FSTL4: variants seen among roughly 807,000 people sequenced by gnomAD.
FSTL4 encodes follistatin like 4.
Under a neutral mutation model 78.2 loss-of-function variants are expected in FSTL4, and 28 were observed. The ratio of observed to expected loss-of-function variants is 0.36; its 90% CI spans 0.27 to 0.49. The LOEUF (loss-of-function observed/expected upper bound fraction) is 0.49, where lower values mean the gene tolerates loss of function less well. FSTL4 is among the 20% of genes least tolerant of loss of function. FSTL4 has a pLI of 0.98. For missense variants in FSTL4, 922 were observed against 1,084.9 expected, an observed-to-expected ratio of 0.85 and a Z score of 2.11; for synonymous variants, 422 against 440.5, an observed-to-expected ratio of 0.96 and a Z score of 0.53.
intron 6 of FSTL4, among the ~76,000 whole-genome samples, chr5:133,309,208 C>G (rs1490680507): frequency 1.3e-5 from 2 of 151,554 alleles, no homozygotes; most frequent in Non-Finnish European, 2.9e-5. Flanking sequence ...ATGGCAGGGA[C>G]AGGTGGCACT....
At chr5:133,576,307 C>A (rs930582678) in intron 2 of FSTL4, among the ~76,000 whole-genome samples, 23 of 152,172 alleles carry the variant, frequency 1.5e-4, no homozygotes, top group African/African-American at 5.6e-4. Flanking sequence ...AGATCATAGT[C>A]ACGCCTCTCC....
intron 6 of FSTL4, among the ~76,000 whole-genome samples, chr5:133,282,923 A>C (rs1402114380): frequency 6.6e-6 from 1 of 152,232 alleles, no homozygotes; most frequent in Non-Finnish European, 1.5e-5. Context: ...TGCAATGCTC[A>C]TCTGACACTT....
At chr5:133,205,503 G>T (rs1750469497) in intron 14 of FSTL4, among the ~76,000 whole-genome samples, 1 of 151,988 alleles carries the variant, frequency 6.6e-6, no homozygotes, top group Non-Finnish European at 1.5e-5. Flanking sequence ...TGTTAGACAA[G>T]GACATGGGTC....
chr5:133,205,978 C>CTATT (rs1156867634), intron 14 of FSTL4, among the ~76,000 whole-genome samples: 1 of 152,176 alleles, frequency 6.6e-6, no homozygotes, highest in Non-Finnish European at 1.5e-5. Context: ...ATCCTGGACT[C>CTATT]TATTTTTAAT....
the FSTL4 span, among the ~76,000 whole-genome samples, chr5:133,705,510 C>G: frequency 6.6e-6 from 1 of 152,182 alleles, no homozygotes; most frequent in Non-Finnish European, 1.5e-5. Context: ...TTCCTGCTCA[C>G]CTCTTGGCTC....
chr5:133,531,483 G>A (rs1759251828), intron 3 of FSTL4, among the ~76,000 whole-genome samples: 1 of 152,160 alleles, frequency 6.6e-6, no homozygotes, highest in Non-Finnish European at 1.5e-5. Context: ...AGCTGAGTGT[G>A]GAGTGTGGAT....
chr5:133,254,319 C>T (rs1443127454), intron 6 of FSTL4, among the ~76,000 whole-genome samples: 1 of 152,218 alleles, frequency 6.6e-6, no homozygotes, highest in African/African-American at 2.4e-5. Context: ...CAAATCTTGC[C>T]TGAGAGCCCT....
At chr5:133,698,453 G>T in the FSTL4 span, among the ~76,000 whole-genome samples, 1 of 152,240 alleles carries the variant, frequency 6.6e-6, no homozygotes, top group Non-Finnish European at 1.5e-5. Flanking sequence ...CCTTGGTGGG[G>T]TGGGTGGGGA....
upstream of FSTL4, among the ~76,000 whole-genome samples, chr5:133,617,246 C>T (rs424101): frequency 0.28 from 40,637 of 147,628 alleles, 5,742 homozygotes; most frequent in East Asian, 0.33. Flanking sequence ...TTGCAGTGAG[C>T]CGAGGTCGTG....
the FSTL4 span, among the ~76,000 whole-genome samples, chr5:133,642,759 C>G: frequency 1.3e-5 from 2 of 152,152 alleles, no homozygotes; most frequent in African/African-American, 4.8e-5. Context: ...CTCTTGTTAG[C>G]TTAGAAAAAT....
At chr5:133,820,449 G>T in the FSTL4 span, among the ~76,000 whole-genome samples, 1 of 152,120 alleles carries the variant, frequency 6.6e-6, no homozygotes, top group Admixed American at 6.5e-5. Context: ...TGGGAGGGAA[G>T]CACCCTTGAA....
intron 13 of FSTL4, among the ~76,000 whole-genome samples, chr5:133,214,625 T>G (rs1303703558): frequency 6.6e-6 from 1 of 152,186 alleles, no homozygotes; most frequent in Non-Finnish European, 1.5e-5. Context: ...AAAAAACAAC[T>G]CAAAAAGAAG....
chr5:133,704,934 C>A, the FSTL4 span, among the ~76,000 whole-genome samples: 1 of 152,238 alleles, frequency 6.6e-6, no homozygotes, highest in Admixed American at 6.5e-5. Context: ...TTTGCCTGTT[C>A]CCTGGGAATT....
At chr5:133,735,280 C>G in the FSTL4 span, among the ~76,000 whole-genome samples, 2 of 152,110 alleles carry the variant, frequency 1.3e-5, no homozygotes, top group Admixed American at 6.5e-5. Flanking sequence ...CTGGCCAACA[C>G]GGAGAAACCC....
At chr5:133,226,995 C>T (rs774468705) in intron 8 of FSTL4, among the ~76,000 whole-genome samples, 4 of 152,188 alleles carry the variant, frequency 2.6e-5, no homozygotes, top group Admixed American at 6.5e-5. Flanking sequence ...GTCACAGCTC[C>T]TCAGGGGCTG....
intron 2 of FSTL4, among the ~76,000 whole-genome samples, chr5:133,602,487 T>C (rs146589791): frequency 2.6e-5 from 4 of 152,360 alleles, no homozygotes; most frequent in African/African-American, 4.8e-5. Flanking sequence ...TGAGCCCCAA[T>C]AGTAAGAAGA....
At chr5:133,301,889 T>C (rs1484257415) in intron 6 of FSTL4, among the ~76,000 whole-genome samples, 6 of 152,014 alleles carry the variant, frequency 3.9e-5, no homozygotes, top group Admixed American at 3.3e-4. Flanking sequence ...CCAAGCTAAA[T>C]AGTGACAGAA....
chr5:133,727,531 C>G, the FSTL4 span, among the ~76,000 whole-genome samples: 50,588 of 151,950 alleles, frequency 0.33, 9,219 homozygotes, highest in African/African-American at 0.48. Context: ...GACAATTGAT[C>G]AATAATTTCT....
the FSTL4 span, among the ~76,000 whole-genome samples, chr5:133,763,966 CAG>C: frequency 2.0e-5 from 3 of 152,222 alleles, no homozygotes; most frequent in Non-Finnish European, 4.4e-5. Flanking sequence ...CTTCCTGCTA[CAG>C]AGAGTCGCTT....
Sources: allele counts gnomAD v4.1 joint callset (sites outside exome capture counted in the v4.1 genomes callset), GRCh38; gene constraint gnomAD v4.1.1; transcripts MANE v1.5; gene names NCBI Gene and HGNC (gene_info 2026-07-23, HGNC 2026-07-21).